ARHGEF3: variants seen among roughly 807,000 people sequenced by gnomAD.
ARHGEF3 encodes the protein 59.8 kDA protein.
ARHGEF3 carries 28 observed loss-of-function variants against 63.2 expected under a neutral mutation model. The ratio of observed to expected loss-of-function variants is 0.44; its 90% confidence interval spans 0.33 to 0.61. The LOEUF (loss-of-function observed/expected upper bound fraction) is 0.61, where lower values mean the gene tolerates loss of function less well. Among genes scored for constraint, ARHGEF3 ranks in the 20% least tolerant of loss-of-function variants. The probability of loss-of-function intolerance (pLI) is 0.03; values close to 1 mark genes in which losing one functional copy is unlikely to be tolerated. For synonymous variants in ARHGEF3, 266 were observed against 254.2 expected (o/e 1.05, Z -0.44); for missense variants, 533 against 659.3 (o/e 0.81, Z 2.10).
intron 2 of ARHGEF3, among the ~76,000 whole-genome samples, chr3:56,963,283 CCTT>C (rs1408610724): frequency 3.9e-5 from 6 of 152,130 alleles, no homozygotes; most frequent in Non-Finnish European, 7.3e-5. Flanking sequence ...TGAGAAGACT[CCTT>C]CTTTAACCCA....
intron 1 of ARHGEF3, among the ~76,000 whole-genome samples, chr3:57,069,684 C>T (rs7373670): frequency 0.22 from 33,250 of 151,910 alleles, 4,182 homozygotes; most frequent in East Asian, 0.48. Context: ...CTTGCTCTGT[C>T]GCCAAGCTGG....
intron 1 of ARHGEF3, among the ~76,000 whole-genome samples, chr3:56,792,315 CT>C (rs1259635359): frequency 6.6e-6 from 1 of 152,148 alleles, no homozygotes. Context: ...TCATGCTCAA[CT>C]TTTTTTCCTC....
chr3:57,054,126 T>C (rs1045404827), intron 1 of ARHGEF3, among the ~76,000 whole-genome samples: 3 of 152,214 alleles, frequency 2.0e-5, no homozygotes, highest in South Asian at 4.1e-4. Context: ...CCACTAGCAG[T>C]GTGTGTGAGT....
intron 3 of ARHGEF3, among the ~76,000 whole-genome samples, chr3:56,886,116 G>A (rs1369838119): frequency 6.6e-6 from 1 of 152,188 alleles, no homozygotes; most frequent in Non-Finnish European, 1.5e-5. Flanking sequence ...GTCAGATAAG[G>A]TGCTAAGACA....
chr3:56,747,393 A>G (rs1001369901), intron 6 of ARHGEF3, among the ~76,000 whole-genome samples: 6 of 152,106 alleles, frequency 3.9e-5, no homozygotes, highest in Non-Finnish European at 1.5e-5. Flanking sequence ...CAGGGTGCTC[A>G]TTTCCTGGGC....
intron 1 of ARHGEF3, among the ~76,000 whole-genome samples, chr3:57,050,099 C>T (rs768487502): frequency 6.6e-6 from 1 of 152,158 alleles, no homozygotes; most frequent in Non-Finnish European, 1.5e-5. Context: ...CTCATCTTAC[C>T]CTGTAGGTCC....
At chr3:56,737,874 CT>C (rs1051788595) in intron 7 of ARHGEF3, among the ~76,000 whole-genome samples, 51 of 147,180 alleles carry the variant, frequency 3.5e-4, no homozygotes, top group East Asian at 9.9e-4. Context: ...GTTTGAATAT[CT>C]TTTTTTTTTT....
intron 4 of ARHGEF3, among the ~76,000 whole-genome samples, chr3:56,862,600 C>T (rs946136854): frequency 4.6e-5 from 7 of 152,156 alleles, no homozygotes; most frequent in Non-Finnish European, 1.0e-4. Flanking sequence ...TCACACAGGA[C>T]GAGGCTGCTG....
intron 1 of ARHGEF3, chr3:57,073,651 C>T: frequency 6.4e-7 from 1 of 1,574,106 alleles, no homozygotes; most frequent in South Asian, 1.2e-5. Context: ...GGCCAAGTGC[C>T]CCAGCCTCCT....
chr3:56,811,959 A>G (rs1036359222), intron 4 of ARHGEF3, among the ~76,000 whole-genome samples: 6 of 152,076 alleles, frequency 3.9e-5, no homozygotes, highest in Non-Finnish European at 4.4e-5. Flanking sequence ...GCCTGCTCAT[A>G]TTGACTGATT....
In ARHGEF3 at chr3:56,926,077, C is replaced by G. The variant is rs576891467; in HGVS notation, c.129+32746G>C. Among the ~76,000 whole-genome samples the G allele has an allele frequency of 1.2e-3, 181 of 152,234 alleles. 1 individual carries two copies. The highest frequency in any genetic ancestry group is 2.2e-3 in the Non-Finnish European group (148 of 68,042). On this transcript the variant is annotated intron_variant, in intron 3 of 12. Transcript: ENST00000338458. The stretch of plus-strand genomic sequence containing the variant: ...TACACAATGCTCACTGCTCAACCTG[C>G]TGGTTCCCACAGCCTCGAAGCACTA...
chr3:57,048,859 C>T (rs1353162635), intron 1 of ARHGEF3, among the ~76,000 whole-genome samples: 3 of 152,172 alleles, frequency 2.0e-5, no homozygotes, highest in Admixed American at 2.0e-4. Context: ...GGTGACCTGG[C>T]ACCAAGAAAA....
intron 2 of ARHGEF3, among the ~76,000 whole-genome samples, chr3:56,993,376 C>T (rs114598255): frequency 0.025 from 3,737 of 151,854 alleles, 149 homozygotes; most frequent in African/African-American, 0.086. Context: ...TTTTGTTGTG[C>T]TTTTGTTTTT....
intron 4 of ARHGEF3, among the ~76,000 whole-genome samples, chr3:56,814,921 G>A (rs1015985259): frequency 6.6e-6 from 1 of 152,062 alleles, no homozygotes; most frequent in Non-Finnish European, 1.5e-5. Flanking sequence ...TAGAGCCCAG[G>A]AGTCTGAGAC....
At chr3:56,976,186 C>T (rs1015645436) in intron 2 of ARHGEF3, among the ~76,000 whole-genome samples, 28 of 152,064 alleles carry the variant, frequency 1.8e-4, no homozygotes, top group Non-Finnish European at 3.5e-4. Context: ...GGATTACAGG[C>T]GACCACCACC....
intron 4 of ARHGEF3, among the ~76,000 whole-genome samples, chr3:56,860,006 C>G (rs2040015928): frequency 6.6e-6 from 1 of 151,382 alleles, no homozygotes; most frequent in African/African-American, 2.4e-5. Flanking sequence ...ATTAAAAATA[C>G]AAAAATTAGC....
At chr3:56,977,042 C>A (rs1455230112) in intron 2 of ARHGEF3, among the ~76,000 whole-genome samples, 1 of 152,008 alleles carries the variant, frequency 6.6e-6, no homozygotes, top group African/African-American at 2.4e-5. Flanking sequence ...TCATTTAATC[C>A]TCACAGGGGC....
intron 4 of ARHGEF3, among the ~76,000 whole-genome samples, chr3:56,864,705 G>T (rs562814670): frequency 6.6e-6 from 1 of 152,188 alleles, no homozygotes; most frequent in East Asian, 1.9e-4. Context: ...AAGAATAAAA[G>T]AATACATGTA....
chr3:57,060,646 G>C (rs1336942549), intron 1 of ARHGEF3: 1 of 152,248 alleles, frequency 6.6e-6, no homozygotes, highest in Non-Finnish European at 1.5e-5. Flanking sequence ...GTGACCCAGG[G>C]TCCTGACTGC....
Sources: allele counts gnomAD v4.1 joint callset (sites outside exome capture counted in the v4.1 genomes callset), GRCh38; gene constraint gnomAD v4.1.1; transcripts MANE v1.5; gene names NCBI Gene and HGNC (gene_info 2026-07-23, HGNC 2026-07-21).